The following SCN1A variants were observed in gnomAD, a reference collection of about 807,000 sequenced individuals.
SCN1A encodes the protein sodium channel protein type 1 subunit alpha.
Under a neutral mutation model 193.7 loss-of-function variants are expected in SCN1A, and 13 were observed. The ratio of observed to expected loss-of-function variants is 0.07; its 90% CI spans 0.04 to 0.11. The LOEUF is 0.11. SCN1A is among the 10% of genes least tolerant of loss of function. SCN1A has a pLI of 1.00. For synonymous variants in SCN1A, 781 were observed against 843.6 expected (o/e 0.93, Z 1.29); for missense variants, 1,432 against 2,451.1 (o/e 0.58, Z 8.78).
chr2:166,123,336 T>C (rs1690840527), intron 2 of SCN1A, among the ~76,000 whole-genome samples: 1 of 151,580 alleles, frequency 6.6e-6, no homozygotes, highest in African/African-American at 2.4e-5. Context: ...GTTTTCATGC[T>C]TAGTGTCTCT....
chr2:166,090,657 A>G (rs2106079581), intron 2 of SCN1A, among the ~76,000 whole-genome samples: 1 of 152,276 alleles, frequency 6.6e-6, no homozygotes, highest in South Asian at 2.1e-4. Context: ...AAATGTAACT[A>G]CTATACATTC....
Position 165,990,304 on chromosome 2 carries a change from A to T in SCN1A, c.*941T>A, listed in dbSNP as rs1195803168. On this transcript the variant is annotated 3_prime_UTR_variant, in exon 29 of 29. Transcript: ENST00000674923. Reference sequence around the variant, plus strand: ...CATTTCATTAACATATACAGTGTCAACCTTGCTGAGAGCCGAAGATGGCTA... The same window carrying T: ...CATTTCATTAACATATACAGTGTCATCCTTGCTGAGAGCCGAAGATGGCTA... 2 of 152,586 alleles carry T rather than the reference A, an allele frequency of 1.3e-5. No homozygotes were observed. Among genetic ancestry groups the T allele is most frequent in the Admixed American group, 1.3e-4 (2 of 15,254 alleles). 9.5% of individuals were successfully genotyped at this position (152,586 alleles called of 1,614,324 possible).
At chr2:166,092,691 G>A (rs1038818688) in intron 2 of SCN1A, 1 of 152,098 alleles carries the variant, frequency 6.6e-6, no homozygotes, top group African/African-American at 2.4e-5. Flanking sequence ...CTTACATGGA[G>A]ATTTATTTTC....
At chr2:166,131,750 T>G (rs1691669965), upstream of SCN1A, among the ~76,000 whole-genome samples, 1 of 152,196 alleles carries the variant, frequency 6.6e-6, no homozygotes, top group South Asian at 2.1e-4. Flanking sequence ...AAAATATTCT[T>G]TCAAATGTGT....
In SCN1A at chr2:165,989,971, G is replaced by C. The variant is rs1688916811; in HGVS notation, c.*1274C>G. 6.6e-6 allele frequency: 1 copy of C among 152,438 alleles called. No homozygotes were observed. Among genetic ancestry groups the C allele is most frequent in the Admixed American group, 6.6e-5 (1 of 15,256 alleles). The allele number at this position is 152,438 out of a possible 1,614,324, so 9.4% of individuals were successfully genotyped here. A position where few individuals can be genotyped will look rare whatever the true frequency, so the allele number is the denominator to read the frequency against. On this transcript the variant is annotated 3_prime_UTR_variant, in exon 29 of 29. Coordinates refer to ENST00000674923, the MANE Select transcript of SCN1A (RefSeq NM_001165963.4). ...AGCTGTTAAAGTGCTGCAAACTATTGCTTAATGACTTAAATAAATGAGATC... is the reference window on the plus strand; with the variant it reads ...AGCTGTTAAAGTGCTGCAAACTATTCCTTAATGACTTAAATAAATGAGATC...
At chr2:166,001,101 C>G (rs1049996317) in intron 24 of SCN1A, among the ~76,000 whole-genome samples, 1 of 151,606 alleles carries the variant, frequency 6.6e-6, no homozygotes, top group Non-Finnish European at 1.5e-5. Flanking sequence ...TAAATATCAT[C>G]ATGTGTCGAC....
Position 166,048,941 on chromosome 2 carries a change from A to C in SCN1A, c.973T>G (p.Tyr325Asp). The C allele has an allele frequency of 6.3e-7, 1 of 1,598,028 alleles. No homozygotes were observed. Among genetic ancestry groups the C allele is most frequent in the South Asian group, 1.1e-5 (1 of 90,740 alleles). ...GCATCTAAAAAACCCTCCAGGAAAT[A>C]ATGATATCCTGTTTGAAAAAAGAAA... ...KSYIQDSRYH[Y>D]FLEGFLDALL... The change falls in exon 10 of 29, where the codon TAT becomes GAT. Residue 325 changes from tyrosine (Y) to aspartate (D), a missense_variant. Coordinates refer to ENST00000674923, the MANE Select transcript of SCN1A (RefSeq NM_001165963.4).
chr2:166,009,352 T>G (rs1217080428), intron 23 of SCN1A: 2 of 163,900 alleles, frequency 1.2e-5, no homozygotes, highest in Non-Finnish European at 2.7e-5. Context: ...AAGTACAGTA[T>G]ATCATCACAA....
At chr2:166,048,839 A>C in intron 10 of SCN1A, 47 bp downstream of exon 10, 1 of 1,158,080 alleles carries the variant, frequency 8.6e-7, no homozygotes, top group Non-Finnish European at 1.3e-6. Flanking sequence ...ACACATATGT[A>C]TGTGTACATA....
At chr2:166,036,020 A>G (rs1696294074) in intron 19 of SCN1A, 28 bp downstream of exon 19, 1 of 1,609,022 alleles carries the variant, frequency 6.2e-7, no homozygotes, top group African/African-American at 1.3e-5. Context: ...ATATGTATTC[A>G]TACCTTCCCA....
At chr2:166,105,760 C>T (rs1173530644) in intron 2 of SCN1A, among the ~76,000 whole-genome samples, 1 of 152,174 alleles carries the variant, frequency 6.6e-6, no homozygotes, top group Non-Finnish European at 1.5e-5. Context: ...ATAAGTTAAA[C>T]TTGTCCAATT....
At chr2:166,069,015 A>G (rs892370854) in intron 4 of SCN1A, among the ~76,000 whole-genome samples, 3 of 152,210 alleles carry the variant, frequency 2.0e-5, no homozygotes, top group Non-Finnish European at 2.9e-5. Context: ...ATTTGAATGT[A>G]GGGCCAAATG....
At chr2:166,069,741 A>C (rs1022094398) in intron 4 of SCN1A, among the ~76,000 whole-genome samples, 1 of 152,262 alleles carries the variant, frequency 6.6e-6, no homozygotes, top group African/African-American at 2.4e-5. Flanking sequence ...CAAATGACAC[A>C]TTAACTATTG....
At chr2:166,060,035 C>G (rs185052363) in intron 4 of SCN1A, 6 of 152,222 alleles carry the variant, frequency 3.9e-5, no homozygotes. Flanking sequence ...TTGTGTCTGT[C>G]TATTCTAATA....
At chr2:166,126,802 G>A (rs1691296692) in intron 2 of SCN1A, 122 bp downstream of exon 2, 1 of 152,204 alleles carries the variant, frequency 6.6e-6, no homozygotes. Context: ...GCATTGGACA[G>A]GTGAAAAGCA....
chr2:165,993,887 T>C, intron 28 of SCN1A: 1 of 526,224 alleles, frequency 1.9e-6, no homozygotes, highest in Middle Eastern at 4.9e-4. Context: ...TTATTTTAGT[T>C]AATAGCACAG....
chr2:166,136,084 G>T (rs1007973244), intron 1 of SCN1A, among the ~76,000 whole-genome samples: 2 of 152,190 alleles, frequency 1.3e-5, no homozygotes, highest in African/African-American at 4.8e-5. Flanking sequence ...ACATAAGGAA[G>T]CTCAGAGACT....
At position 166,070,769 on chromosome 2, in the gene SCN1A, G is replaced by GA. The variant is rs199520089; in HGVS notation, c.264+2588dup. ...TCAGTCTGAAAGCTCTTTAATTAAA[G>GA]AAAAAAAAGATTGATTGGTTGTTCT... On this transcript the variant is annotated intron_variant, in intron 4 of 28. Transcript: ENST00000674923. Among the ~76,000 whole-genome samples the GA allele has an allele frequency of 7.2e-3, 1,097 of 151,842 alleles. 20 individuals are homozygous for GA. Among genetic ancestry groups the GA allele is most frequent in the African/African-American group, 0.025 (1,052 of 41,448 alleles).
At chr2:166,129,795 T>C (rs1477106572), upstream of SCN1A, among the ~76,000 whole-genome samples, 1 of 152,184 alleles carries the variant, frequency 6.6e-6, no homozygotes, top group African/African-American at 2.4e-5. Context: ...TTGCATATTA[T>C]AGGTGCCAAT....
Sources: gnomAD v4.1 joint callset for allele counts (sites outside exome capture counted in the v4.1 genomes callset) on GRCh38, gnomAD v4.1.1 for gene constraint, MANE v1.5 for transcripts, NCBI Gene and HGNC (gene_info 2026-07-23, HGNC 2026-07-21) for gene names.